Variants in MIPOL1 observed in about 807,000 individuals in gnomAD.
MIPOL1 encodes mirror-image polydactyly gene 1 protein.
MIPOL1 carries 57 observed loss-of-function variants against 60.9 expected under a neutral mutation model. The observed-to-expected ratio is 0.94, with a 90% CI of 0.76 to 1.17. MIPOL1 has a LOEUF of 1.17. MIPOL1 is among the 50% of genes most tolerant of loss of function. MIPOL1 has a pLI of 0.00. For missense variants in MIPOL1, 551 were observed against 511.6 expected (o/e 1.08, Z -0.74); for synonymous variants, 179 against 168.8 (o/e 1.06, Z -0.47).
chr14:37,451,836 A>T, intron 11 of MIPOL1, among the ~76,000 whole-genome samples: 2 of 90,078 alleles, frequency 2.2e-5, no homozygotes, highest in African/African-American at 2.0e-4. Context: ...TTTTTTTGAG[A>T]CGGAGTCTCG....
chr14:37,474,530 T>A (rs1326230928), intron 11 of MIPOL1, among the ~76,000 whole-genome samples: 2 of 152,214 alleles, frequency 1.3e-5, no homozygotes, highest in African/African-American at 4.8e-5. Flanking sequence ...AAGACATGCC[T>A]TTGCTCCTCA....
At chr14:37,434,862 A>C (rs540256837) in intron 11 of MIPOL1, among the ~76,000 whole-genome samples, 19 of 152,110 alleles carry the variant, frequency 1.2e-4, no homozygotes, top group South Asian at 4.2e-4. Flanking sequence ...AAAAAAAAAA[A>C]AAAACAAAAT....
intron 11 of MIPOL1, among the ~76,000 whole-genome samples, chr14:37,490,164 CT>C (rs1239797147): frequency 3.3e-5 from 5 of 152,146 alleles, no homozygotes; most frequent in African/African-American, 1.2e-4. Context: ...GAGGAAGACT[CT>C]AGAGAGGCAG....
chr14:37,355,185 T>C (rs549736001), intron 9 of MIPOL1, among the ~76,000 whole-genome samples: 1 of 148,684 alleles, frequency 6.7e-6, no homozygotes, highest in Non-Finnish European at 1.5e-5. Flanking sequence ...TGGCTGGATA[T>C]GAAATTCTGG....
intron 9 of MIPOL1, among the ~76,000 whole-genome samples, chr14:37,330,198 A>G (rs978877475): frequency 6.6e-6 from 1 of 152,142 alleles, no homozygotes; most frequent in Non-Finnish European, 1.5e-5. Flanking sequence ...TATTCATATT[A>G]AACTATAGAA....
At chr14:37,222,304 C>T (rs541613896) in intron 1 of MIPOL1, among the ~76,000 whole-genome samples, 5 of 151,530 alleles carry the variant, frequency 3.3e-5, no homozygotes, top group Non-Finnish European at 5.9e-5. Flanking sequence ...CTCACTGCAG[C>T]CTGGACCTCC....
intron 7 of MIPOL1, among the ~76,000 whole-genome samples, chr14:37,304,797 T>C (rs1006106038): frequency 6.6e-6 from 1 of 151,792 alleles, no homozygotes; most frequent in Non-Finnish European, 1.5e-5. Context: ...AGGAAATCAA[T>C]TGAAACTTGA....
chr14:37,511,295 C>G (rs1234825485), intron 12 of MIPOL1, among the ~76,000 whole-genome samples: 2 of 152,138 alleles, frequency 1.3e-5, no homozygotes, highest in Non-Finnish European at 2.9e-5. Flanking sequence ...GAAATTCATT[C>G]TCTTTTCTTT....
intron 11 of MIPOL1, among the ~76,000 whole-genome samples, chr14:37,426,818 T>C (rs541686561): frequency 1.1e-3 from 163 of 151,712 alleles, no homozygotes; most frequent in Non-Finnish European, 1.9e-3. Context: ...AATGAAGATA[T>C]ATCATAAGAA....
chr14:37,292,234 A>C (rs2085148459), intron 7 of MIPOL1, among the ~76,000 whole-genome samples: 1 of 151,868 alleles, frequency 6.6e-6, no homozygotes, highest in Non-Finnish European at 1.5e-5. Flanking sequence ...CCCAGCTGGC[A>C]GTTAAATTTT....
chr14:37,360,687 G>A (rs36134910), intron 9 of MIPOL1, among the ~76,000 whole-genome samples: 46,218 of 151,868 alleles, frequency 0.3, 7,237 homozygotes, highest in East Asian at 0.46. Flanking sequence ...TTTTTATTGC[G>A]TCTGTTTGAT....
At chr14:37,381,385 C>T (rs1220792314) in intron 10 of MIPOL1, among the ~76,000 whole-genome samples, 1 of 151,872 alleles carries the variant, frequency 6.6e-6, no homozygotes, top group Non-Finnish European at 1.5e-5. Context: ...TTACAATGGC[C>T]AAAAGGGTGT....
intron 11 of MIPOL1, among the ~76,000 whole-genome samples, chr14:37,487,800 A>AT (rs1270900826): frequency 2.6e-5 from 4 of 151,994 alleles, no homozygotes; most frequent in Non-Finnish European, 4.4e-5. Flanking sequence ...GGATTCATTG[A>AT]TTTTTTGAAG....
intron 6 of MIPOL1, chr14:37,277,174 G>T: frequency 6.6e-6 from 1 of 150,738 alleles, no homozygotes; most frequent in East Asian, 1.9e-4. Context: ...ATGTAATTAA[G>T]GTATTTAAAA....
At chr14:37,303,287 T>C (rs2086481461) in intron 7 of MIPOL1, among the ~76,000 whole-genome samples, 1 of 151,892 alleles carries the variant, frequency 6.6e-6, no homozygotes, top group African/African-American at 2.4e-5. Context: ...ACCTCAGATT[T>C]ACACAGGCAA....
chr14:37,498,928 A>C (rs1325999058), intron 11 of MIPOL1, among the ~76,000 whole-genome samples: 1 of 152,162 alleles, frequency 6.6e-6, no homozygotes, highest in Non-Finnish European at 1.5e-5. Flanking sequence ...AAGTTCACTA[A>C]CTAGCTTTTT....
intron 10 of MIPOL1, among the ~76,000 whole-genome samples, chr14:37,387,880 C>T (rs1436398080): frequency 2.0e-5 from 3 of 151,446 alleles, no homozygotes; most frequent in African/African-American, 7.3e-5. Context: ...AATGAGAAAA[C>T]TTCTAAGATC....
At chr14:37,346,761 T>G (rs569841148) in intron 9 of MIPOL1, among the ~76,000 whole-genome samples, 1 of 152,236 alleles carries the variant, frequency 6.6e-6, no homozygotes, top group East Asian at 1.9e-4. Flanking sequence ...AGGTGAGAAC[T>G]GAGTGGAGAA....
intron 11 of MIPOL1, among the ~76,000 whole-genome samples, chr14:37,497,590 G>C (rs561808272): frequency 6.6e-6 from 1 of 152,122 alleles, no homozygotes; most frequent in East Asian, 1.9e-4. Context: ...CCCATAGTCC[G>C]AGCTACTCAG....
Sources: gnomAD v4.1 joint callset for allele counts (sites outside exome capture counted in the v4.1 genomes callset) on GRCh38, gnomAD v4.1.1 for gene constraint, MANE v1.5 for transcripts, NCBI Gene and HGNC (gene_info 2026-07-23, HGNC 2026-07-21) for gene names.